The following ARL2BP variants were observed in gnomAD, a reference collection of about 807,000 sequenced individuals.
ARL2BP encodes ADP-ribosylation factor-like protein 2-binding protein.
A neutral mutation model predicts 24.2 loss-of-function variants in ARL2BP; 19 were observed. That is an observed-to-expected ratio of 0.79 (90% CI 0.55 to 1.15). The LOEUF (loss-of-function observed/expected upper bound fraction) is 1.15. ARL2BP is among the 50% of genes most tolerant of loss of function. The pLI, the probability that ARL2BP is intolerant of heterozygous loss-of-function variation, is 0.00. For missense variants in ARL2BP, 160 were observed against 190.4 expected (o/e 0.84, Z 0.94); for synonymous variants, 56 against 70.5 (o/e 0.79, Z 1.03).
intron 1 of ARL2BP, 195 bp from the exon 2 acceptor site, chr16:57,245,885 C>T (rs2075388862): frequency 8.1e-6 from 5 of 619,524 alleles, no homozygotes; most frequent in Non-Finnish European, 1.4e-5. Flanking sequence ...ACGTTCATGT[C>T]ACAAACGTGC....
At chr16:57,250,290 T>TA in intron 4 of ARL2BP, 121 bp from the exon 5 acceptor site, 4 of 836,104 alleles carry the variant, frequency 4.8e-6, no homozygotes, top group Admixed American at 2.2e-5. Context: ...ACCCAGTCTC[T>TA]AAAAAAACAA....
intron 3 of ARL2BP, chr16:57,248,905 T>C (rs963151928): frequency 1.7e-5 from 3 of 181,480 alleles, no homozygotes; most frequent in Non-Finnish European, 3.4e-5. Flanking sequence ...AGCACACCTG[T>C]AGTGCCAGCT....
intron 2 of ARL2BP, 66 bp downstream of exon 2, chr16:57,246,207 G>A (rs1463096472): frequency 2.0e-6 from 3 of 1,474,636 alleles, no homozygotes; most frequent in South Asian, 1.2e-5. Flanking sequence ...AATCAATTTG[G>A]AGAGTTAATT....
At chr16:57,250,363 G>A (rs756224816) in intron 4 of ARL2BP, 48 bp from the exon 5 acceptor site, 2 of 1,522,922 alleles carry the variant, frequency 1.3e-6, no homozygotes, top group Non-Finnish European at 1.8e-6. Flanking sequence ...CAATCTTGAG[G>A]ACTGTCTCAT....
At chr16:57,245,985 C>CT (rs1258983534) in intron 1 of ARL2BP, 95 bp from the exon 2 acceptor site, 3 of 1,247,050 alleles carry the variant, frequency 2.4e-6, no homozygotes, top group African/African-American at 1.5e-5. Context: ...TTTTGCTACT[C>CT]TTTTTTCTCT....
In ARL2BP at chr16:57,252,331, T is replaced by C; in HGVS notation, c.*64T>C. ...TCACCAGCCCAATAGGCTCAGCTCA[T>C]GATGACAGAACACATCTTGGAAAGA... On this transcript the variant is annotated 3_prime_UTR_variant, in exon 6 of 6. Transcript: ENST00000219204. 1 of 1,613,330 alleles carries C rather than the reference T, an allele frequency of 6.2e-7. No individual in the cohort carries two copies. Among genetic ancestry groups the C allele is most frequent in the Non-Finnish European group, 8.5e-7 (1 of 1,179,838 alleles).
chr16:57,245,356 G>C lies in ARL2BP; in HGVS notation c.-12G>C, dbSNP rs767506405. ...CCGCGGGCGGGGTTGGAGCCTACTCGGGGCGACTGCGATGGACGCCTTAGA... is the reference window on the plus strand; with the variant it reads ...CCGCGGGCGGGGTTGGAGCCTACTCCGGGCGACTGCGATGGACGCCTTAGA... On this transcript the variant is annotated 5_prime_UTR_variant, in exon 1 of 6. Coordinates refer to ENST00000219204, the MANE Select transcript of ARL2BP (RefSeq NM_012106.4). 2.5e-6 allele frequency: 4 copies of C among 1,604,904 alleles called. No individual in the cohort carries two copies. Among genetic ancestry groups the C allele is most frequent in the Admixed American group, 1.7e-5 (1 of 58,478 alleles).
At position 57,252,316 on chromosome 16, in the gene ARL2BP, A is replaced by G. The variant is rs1033641448; in HGVS notation, c.*49A>G. 3 of 1,613,858 alleles carry G rather than the reference A, an allele frequency of 1.9e-6. No individual in the cohort carries two copies. The highest frequency in any genetic ancestry group is 2.5e-6 in the Non-Finnish European group (3 of 1,180,006). On this transcript the variant is annotated 3_prime_UTR_variant, in exon 6 of 6. Coordinates refer to ENST00000219204, the MANE Select transcript of ARL2BP (RefSeq NM_012106.4). The stretch of plus-strand genomic sequence containing the variant: ...GGATCATTCTGGATGTCACCAGCCC[A>G]ATAGGCTCAGCTCATGATGACAGAA...
intron 1 of ARL2BP, chr16:57,245,682 A>C: frequency 1.8e-6 from 1 of 550,940 alleles, no homozygotes; most frequent in Non-Finnish European, 3.2e-6. Flanking sequence ...AGCTGTCAGC[A>C]AAGCCTGGAG....
Position 57,248,559 on chromosome 16 carries a change from G to A in ARL2BP, c.123G>A (p.Gln41=), listed in dbSNP as rs1164159751. The part of the protein sequence containing the change: ...IIMDDEFQLL[Q]RNFMDKYYLE... ...CAGATGACGAGTTCCAGTTATTACA[G>A]AGAAATTTCATGGACAAGTACTACC... The change falls in exon 3 of 6, where the codon CAG becomes CAA. Residue 41 remains glutamine (Q), a synonymous_variant. Coordinates refer to ENST00000219204, the MANE Select transcript of ARL2BP (RefSeq NM_012106.4). The A allele has an allele frequency of 6.2e-7, 1 of 1,603,998 alleles. No individual in the cohort carries two copies. The highest frequency in any genetic ancestry group is 8.5e-7 in the Non-Finnish European group (1 of 1,176,334).
chr16:57,251,590 CAAA>C (rs112435742), intron 5 of ARL2BP: 12 of 105,178 alleles, frequency 1.1e-4, no homozygotes, highest in Middle Eastern at 5.6e-3. Flanking sequence ...ACCCCTATCT[CAAA>C]AAAAAAAAAA....
At position 57,252,658 on chromosome 16, in the gene ARL2BP, C is replaced by G; in HGVS notation, c.*391C>G. On this transcript the variant is annotated 3_prime_UTR_variant, in exon 6 of 6. Coordinates refer to ENST00000219204, the MANE Select transcript of ARL2BP (RefSeq NM_012106.4). ...AGCAGGCTCTGCATGAATCTTTGTG[C>G]ACTTGCACCTCTTTTTCACATGGGC... The G allele has an allele frequency of 4.2e-6, 1 of 238,462 alleles. No homozygotes were observed. 14.8% of individuals were successfully genotyped at this position (238,462 alleles called of 1,614,324 possible). A position where few individuals can be genotyped will look rare whatever the true frequency, so the allele number is the denominator to read the frequency against.
intron 4 of ARL2BP, 76 bp downstream of exon 4, chr16:57,249,928 C>T (rs2075402185): frequency 1.3e-5 from 18 of 1,371,260 alleles, no homozygotes; most frequent in South Asian, 3.5e-5. Flanking sequence ...GACCAAAAGA[C>T]GCTCCTTGTT....
rs376357193 is a variant in ARL2BP at position 57,245,384 on chromosome 16, G to A, written c.17G>A (p.Gly6Glu). MDALEGESFALSFSSA... is the reference protein window; with the variant it reads MDALEEESFALSFSSA... ...GCGACTGCGATGGACGCCTTAGAAG[G>A]AGAGAGCTTTGCGCTGTCTTTGTGA... The change falls in exon 1 of 6, where the codon GGA becomes GAA. Residue 6 changes from glycine to glutamate, a missense_variant. Physicochemically the swap from Gly to Glu is moderately conservative, Grantham distance 98. Coordinates refer to ENST00000219204, the MANE Select transcript of ARL2BP (RefSeq NM_012106.4). 5.0e-6 allele frequency: 8 copies of A among 1,607,590 alleles called. No individual in the cohort carries two copies. The African/African-American group carries it at 1.1e-4, about 21-fold the overall frequency.
chr16:57,249,500 G>C, intron 3 of ARL2BP: 1 of 469,898 alleles, frequency 2.1e-6, no homozygotes, highest in Non-Finnish European at 3.9e-6. Flanking sequence ...GTGGGTGTGG[G>C]TACCGTGCTA....
chr16:57,249,942 T>C (rs1221398337), intron 4 of ARL2BP, 90 bp downstream of exon 4: 1 of 1,225,370 alleles, frequency 8.2e-7, no homozygotes, highest in Non-Finnish European at 1.2e-6. Context: ...CCTTGTTTGT[T>C]TTCCTGTGCA....
chr16:57,252,465 T>A lies in ARL2BP; in HGVS notation c.*198T>A. 1.0e-6 allele frequency: 1 copy of A among 953,110 alleles called. No individual in the cohort carries two copies. The highest frequency in any genetic ancestry group is 1.5e-6 in the Non-Finnish European group (1 of 651,382). The allele number at this position is 953,110 out of a possible 1,614,324, so 59.0% of individuals were successfully genotyped here. On this transcript the variant is annotated 3_prime_UTR_variant, in exon 6 of 6. Transcript: ENST00000219204. ...TCCTGAAACACCTTCTTGTATTCAT[T>A]AACCATAGTACTCCTCCCCACCTCA... is the stretch of plus-strand genomic sequence containing the variant.
intron 4 of ARL2BP, 69 bp downstream of exon 4, chr16:57,249,921 C>A: frequency 1.4e-6 from 2 of 1,396,814 alleles, no homozygotes; most frequent in Middle Eastern, 1.8e-4. Flanking sequence ...CTAGGCTGAC[C>A]AAAAGACGCT....
chr16:57,248,381 C>A, intron 2 of ARL2BP, 156 bp from the exon 3 acceptor site: 8 of 321,674 alleles, frequency 2.5e-5, no homozygotes, highest in South Asian at 9.6e-5. Flanking sequence ...ATTTCCACAT[C>A]AGGGTCCCAT....
Sources: allele counts gnomAD v4.1 joint callset, GRCh38; gene constraint gnomAD v4.1.1; transcripts MANE v1.5; gene names NCBI Gene and HGNC (gene_info 2026-07-23, HGNC 2026-07-21).